The following NIPBL variants were observed in gnomAD, a reference collection of about 807,000 sequenced individuals.
NIPBL encodes the protein NIPBL cohesin loading factor, also known as nipped-B-like protein.
NIPBL carries 19 observed loss-of-function variants against 321.8 expected under a neutral mutation model. The ratio of observed to expected loss-of-function variants is 0.06; its 90% CI spans 0.04 to 0.09. The LOEUF (loss-of-function observed/expected upper bound fraction) is 0.09, where lower values mean the gene tolerates loss of function less well. Among genes scored for constraint, NIPBL ranks in the 10% least tolerant of loss-of-function variants. The pLI is 1.00. For missense variants in NIPBL, 2,210 were observed against 3,327.0 expected, an observed-to-expected ratio of 0.66 and a Z score of 8.26; for synonymous variants, 1,106 against 1,114.1, an observed-to-expected ratio of 0.99 and a Z score of 0.14.
rs587784006 is a variant in NIPBL, at chr5:37,044,708, G to T, written c.6322G>T (p.Ala2108Ser). ...KVTQNFKFVWACFNRYYGAIS... is the reference protein window; with the variant it reads ...KVTQNFKFVWSCFNRYYGAIS... ...GACACAAAATTTTAAATTTGTGTGG[G>T]CTTGTTTCAATAGATACTATGGTAA... is the stretch of plus-strand genomic sequence containing the variant. Residue 2108 changes from alanine to serine, a missense_variant, in exon 36 of 47, where the codon GCT becomes TCT. Coordinates refer to ENST00000282516, the MANE Select transcript of NIPBL (RefSeq NM_133433.4). 2 of 1,613,052 alleles carry T rather than the reference G, an allele frequency of 1.2e-6. No homozygotes were observed. The highest frequency in any genetic ancestry group is 1.1e-5 in the South Asian group (1 of 91,050).
chr5:36,974,112 G>T (rs1461605656), intron 8 of NIPBL, among the ~76,000 whole-genome samples: 3 of 152,196 alleles, frequency 2.0e-5, no homozygotes, highest in Admixed American at 6.5e-5. Flanking sequence ...AAGGTGAGAA[G>T]TTATTTAGAT....
intron 1 of NIPBL, among the ~76,000 whole-genome samples, chr5:36,940,438 A>G (rs1223061953): frequency 2.0e-5 from 3 of 152,118 alleles, no homozygotes; most frequent in Admixed American, 2.0e-4. Flanking sequence ...TCAGTCCTTC[A>G]CTATGTACCA....
chr5:36,886,071 G>A, intron 1 of NIPBL: 1 of 700,314 alleles, frequency 1.4e-6, no homozygotes, highest in Non-Finnish European at 2.6e-6. Flanking sequence ...GCGCAGGTCG[G>A]AGCTGCTGAG....
At chr5:36,918,927 C>T (rs1748698289) in intron 1 of NIPBL, among the ~76,000 whole-genome samples, 1 of 152,066 alleles carries the variant, frequency 6.6e-6, no homozygotes, top group Admixed American at 6.5e-5. Flanking sequence ...TTCGCTTTGC[C>T]AATATTTTAT....
intron 10 of NIPBL, among the ~76,000 whole-genome samples, chr5:36,994,982 CAT>C (rs1276839924): frequency 6.6e-6 from 1 of 152,084 alleles, no homozygotes; most frequent in Non-Finnish European, 1.5e-5. Flanking sequence ...TCCTGTGTTA[CAT>C]GTTTCTCTCG....
rs1303993812 is a variant in NIPBL, at chr5:37,017,060, A to G, written c.4818A>G (p.Arg1606=). The G allele has an allele frequency of 1.2e-6, 2 of 1,612,028 alleles. No homozygotes were observed. Among genetic ancestry groups the G allele is most frequent in the South Asian group, 2.2e-5 (2 of 90,744 alleles). The change falls in exon 24 of 47, where the codon AGA becomes AGG. Residue 1606 remains arginine, a synonymous_variant. Transcript: ENST00000282516. The part of the protein sequence containing the change: ...FSNKSTEMAL[R]VASLDYLGTV... Reference sequence around the variant, plus strand: ...ACAAGTCAACAGAGATGGCTTTAAGAGTGGCATCTCTTGATTACCTTGGAA... The same window carrying G: ...ACAAGTCAACAGAGATGGCTTTAAGGGTGGCATCTCTTGATTACCTTGGAA...
intron 17 of NIPBL, 46 bp from the exon 18 acceptor site, chr5:37,007,277 T>C: frequency 6.5e-7 from 1 of 1,542,594 alleles, no homozygotes; most frequent in Non-Finnish European, 8.9e-7. Context: ...TATTAAAAAT[T>C]ATTAAAAGTT....
At position 37,036,471 on chromosome 5, in the gene NIPBL, T is replaced by C. The variant is rs1394447320; in HGVS notation, c.5955T>C (p.Tyr1985=). Residue 1985 remains tyrosine (Y), a synonymous_variant, in exon 33 of 47, where the codon TAT becomes TAC. Transcript: ENST00000282516. Reference sequence around the variant, plus strand: ...ACCTAGTTGAGCACATTCTTAAATATGAGGAATCTCTAGCTGGTAAGACAT... The same window carrying C: ...ACCTAGTTGAGCACATTCTTAAATACGAGGAATCTCTAGCTGGTAAGACAT... ...VDNLVEHILK[Y]EESLADSDNK... is the part of the protein sequence containing the mutation. 1.4e-6 allele frequency: 2 copies of C among 1,421,686 alleles called. No homozygotes were observed. The highest frequency in any genetic ancestry group is 2.1e-5 in the Admixed American group (1 of 46,964). 88.1% of individuals were successfully genotyped at this position (1,421,686 alleles called of 1,614,324 possible).
chr5:36,932,778 GTT>G (rs35264312), intron 1 of NIPBL, among the ~76,000 whole-genome samples: 22 of 69,824 alleles, frequency 3.2e-4, no homozygotes, highest in South Asian at 5.3e-4. Flanking sequence ...TTCCTCTGCT[GTT>G]TTTTTTTTTT....
intron 16 of NIPBL, 148 bp from the exon 17 acceptor site, chr5:37,006,209 G>C: frequency 1.5e-6 from 1 of 646,808 alleles, no homozygotes; most frequent in South Asian, 1.8e-5. Flanking sequence ...AGTAGTATCA[G>C]TATTTGTACC....
chr5:36,921,621 A>T (rs897282947), intron 1 of NIPBL, among the ~76,000 whole-genome samples: 3 of 152,194 alleles, frequency 2.0e-5, no homozygotes, highest in African/African-American at 7.2e-5. Flanking sequence ...AAAAATAGGC[A>T]GGATTTTAGT....
At chr5:37,052,632 A>G in intron 42 of NIPBL, 66 bp downstream of exon 42, 2 of 1,190,648 alleles carry the variant, frequency 1.7e-6, no homozygotes, top group Non-Finnish European at 2.5e-6. Flanking sequence ...TAAAGTAGTC[A>G]TTTTTTAAAT....
At chr5:36,953,908 A>T (rs539286315) in intron 2 of NIPBL, 148 bp downstream of exon 2, 48 of 679,898 alleles carry the variant, frequency 7.1e-5, no homozygotes, top group Non-Finnish European at 1.1e-4. Context: ...AAAAAAATTG[A>T]TAGCCTAATT....
chr5:36,995,438 T>C, intron 10 of NIPBL, 184 bp from the exon 11 acceptor site: 1 of 553,798 alleles, frequency 1.8e-6, no homozygotes, highest in Non-Finnish European at 3.2e-6. Flanking sequence ...TGTATATATG[T>C]ACACATACAT....
chr5:36,994,899 A>C (rs1244614809), intron 10 of NIPBL, among the ~76,000 whole-genome samples: 1 of 151,954 alleles, frequency 6.6e-6, no homozygotes, highest in African/African-American at 2.4e-5. Context: ...GAAGATATGA[A>C]CTTGAATTTC....
At chr5:36,929,054 T>G (rs951518908) in intron 1 of NIPBL, among the ~76,000 whole-genome samples, 1 of 152,172 alleles carries the variant, frequency 6.6e-6, no homozygotes, top group Non-Finnish European at 1.5e-5. Context: ...CATATGATAA[T>G]TAACTTTTTA....
At chr5:36,992,917 A>G (rs1745714296) in intron 10 of NIPBL, among the ~76,000 whole-genome samples, 1 of 151,614 alleles carries the variant, frequency 6.6e-6, no homozygotes, top group Non-Finnish European at 1.5e-5. Context: ...TAATTTTTGT[A>G]TTTTTAGTAG....
intron 1 of NIPBL, among the ~76,000 whole-genome samples, chr5:36,924,896 T>C (rs1335310670): frequency 1.3e-5 from 2 of 152,226 alleles, no homozygotes; most frequent in Non-Finnish European, 2.9e-5. Context: ...CCTTTTTCTT[T>C]GACTACTTAC....
At chr5:36,927,883 G>A (rs7709810) in intron 1 of NIPBL, among the ~76,000 whole-genome samples, 6 of 152,008 alleles carry the variant, frequency 3.9e-5, no homozygotes, top group South Asian at 4.2e-4. Flanking sequence ...GACGGGTTTC[G>A]CCATGTTGGC....
Sources: gnomAD v4.1 joint callset for allele counts (sites outside exome capture counted in the v4.1 genomes callset) on GRCh38, gnomAD v4.1.1 for gene constraint, MANE v1.5 for transcripts, NCBI Gene and HGNC (gene_info 2026-07-23, HGNC 2026-07-21) for gene names.